PTPRG: variants seen among roughly 807,000 people sequenced by gnomAD.
The protein encoded by PTPRG is receptor-type tyrosine-protein phosphatase gamma.
Under a neutral mutation model 165.3 loss-of-function variants are expected in PTPRG, and 102 were observed. That is an observed-to-expected ratio of 0.62 (90% CI 0.53 to 0.73). The LOEUF (loss-of-function observed/expected upper bound fraction) is 0.73, where lower values mean the gene tolerates loss of function less well. Among genes scored for constraint, PTPRG ranks in the 30% least tolerant of loss-of-function variants. The pLI, the probability that PTPRG is intolerant of heterozygous loss-of-function variation, is 0.00. For missense variants in PTPRG, 1,866 were observed against 1,861.4 expected (o/e 1.00, Z -0.05); for synonymous variants, 675 against 669.5 (o/e 1.01, Z -0.13).
At chr3:61,998,722 G>A (rs1409368407) in intron 3 of PTPRG, among the ~76,000 whole-genome samples, 1 of 152,164 alleles carries the variant, frequency 6.6e-6, no homozygotes, top group Non-Finnish European at 1.5e-5. Context: ...GAAGCTTCCA[G>A]CTTCTTCTAC....
At chr3:61,649,912 G>C (rs1490466140) in intron 1 of PTPRG, among the ~76,000 whole-genome samples, 1 of 152,132 alleles carries the variant, frequency 6.6e-6, no homozygotes, top group Non-Finnish European at 1.5e-5. Flanking sequence ...CAACAGACTT[G>C]CTATAATCTG....
At chr3:62,192,509 T>TG (rs780586241) in intron 9 of PTPRG, among the ~76,000 whole-genome samples, 3 of 145,626 alleles carry the variant, frequency 2.1e-5, no homozygotes, top group Non-Finnish European at 3.0e-5. Flanking sequence ...CCCGGGTTCA[T>TG]GCCATTCTCC....
chr3:61,882,348 G>C (rs993122430), intron 2 of PTPRG, among the ~76,000 whole-genome samples: 2 of 152,170 alleles, frequency 1.3e-5, no homozygotes, highest in Non-Finnish European at 2.9e-5. Flanking sequence ...TTTGTACTCT[G>C]TTTTGGGAAG....
intron 1 of PTPRG, among the ~76,000 whole-genome samples, chr3:61,696,363 G>A (rs1336908079): frequency 2.0e-5 from 3 of 152,142 alleles, no homozygotes; most frequent in South Asian, 2.1e-4. Context: ...TTAGCCAGGT[G>A]TGGTGGCAGG....
chr3:61,730,730 T>C (rs899875667), intron 1 of PTPRG, among the ~76,000 whole-genome samples: 2 of 152,196 alleles, frequency 1.3e-5, no homozygotes, highest in African/African-American at 4.8e-5. Context: ...TGAGTGGTCA[T>C]GTGGTGAATT....
intron 4 of PTPRG, among the ~76,000 whole-genome samples, chr3:62,054,541 G>A (rs1700569761): frequency 1.3e-5 from 2 of 152,142 alleles, no homozygotes; most frequent in African/African-American, 4.8e-5. Flanking sequence ...GAAAGTCAGT[G>A]GTTCTTCTGG....
chr3:62,227,120 C>T (rs1410130363), intron 13 of PTPRG, among the ~76,000 whole-genome samples: 1 of 152,152 alleles, frequency 6.6e-6, no homozygotes, highest in Non-Finnish European at 1.5e-5. Context: ...GGTAACACCC[C>T]TCTCTTGCTT....
intron 2 of PTPRG, among the ~76,000 whole-genome samples, chr3:61,819,196 C>T: frequency 6.6e-6 from 1 of 152,030 alleles, no homozygotes; most frequent in Non-Finnish European, 1.5e-5. Context: ...TTTTATAACT[C>T]TCCAAAATGG....
intron 8 of PTPRG, among the ~76,000 whole-genome samples, chr3:62,185,969 G>A (rs750448942): frequency 2.4e-4 from 37 of 152,148 alleles, no homozygotes; most frequent in African/African-American, 8.0e-4. Context: ...GTTTTGCTGC[G>A]TTTGCCTGTT....
intron 1 of PTPRG, among the ~76,000 whole-genome samples, chr3:61,631,221 T>A (rs1029188509): frequency 6.7e-5 from 10 of 150,354 alleles, no homozygotes; most frequent in Admixed American, 2.7e-4. Context: ...AAAAAAAAAA[T>A]GGGTAGCAAC....
intron 5 of PTPRG, among the ~76,000 whole-genome samples, chr3:62,111,430 C>A (rs1464389901): frequency 6.6e-6 from 1 of 152,194 alleles, no homozygotes; most frequent in African/African-American, 2.4e-5. Flanking sequence ...CTGATAAAGA[C>A]TGAAGTAAAA....
At chr3:62,097,945 A>G (rs545845274) in intron 5 of PTPRG, among the ~76,000 whole-genome samples, 26 of 152,366 alleles carry the variant, frequency 1.7e-4, no homozygotes, top group African/African-American at 6.3e-4. Context: ...TAAAGCGGCA[A>G]GTATGTTAGA....
chr3:62,073,034 T>C (rs1701260864), intron 4 of PTPRG, among the ~76,000 whole-genome samples: 1 of 152,174 alleles, frequency 6.6e-6, no homozygotes, highest in Non-Finnish European at 1.5e-5. Flanking sequence ...GGTCTCCTAC[T>C]GGGCAAATGT....
chr3:61,956,467 A>G (rs2040032878), intron 2 of PTPRG, among the ~76,000 whole-genome samples: 1 of 152,184 alleles, frequency 6.6e-6, no homozygotes, highest in African/African-American at 2.4e-5. Flanking sequence ...CACTGAAAAA[A>G]TATTTAATGT....
At chr3:62,281,835 A>T (rs888619319) in intron 27 of PTPRG, 126 bp downstream of exon 27, 3 of 935,144 alleles carry the variant, frequency 3.2e-6, no homozygotes, top group Non-Finnish European at 4.6e-6. Context: ...TTAATTTTAA[A>T]TATGTACATT....
intron 2 of PTPRG, among the ~76,000 whole-genome samples, chr3:61,938,825 G>A (rs537465354): frequency 6.6e-6 from 1 of 152,266 alleles, no homozygotes; most frequent in Admixed American, 6.5e-5. Context: ...AAAAGTAATA[G>A]CATTGCTTAA....
intron 5 of PTPRG, among the ~76,000 whole-genome samples, chr3:62,094,201 C>T (rs1465963911): frequency 6.6e-6 from 1 of 152,148 alleles, no homozygotes; most frequent in Non-Finnish European, 1.5e-5. Flanking sequence ...CTCTTTCCCT[C>T]TTCTGAACTT....
intron 12 of PTPRG, 55 bp downstream of exon 12, chr3:62,204,005 T>C: frequency 1.3e-6 from 2 of 1,490,946 alleles, no homozygotes; most frequent in Non-Finnish European, 1.8e-6. Flanking sequence ...AGTCGTACCC[T>C]TTTTCAAAAA....
In PTPRG at chr3:61,829,280, G is replaced by A. The variant is rs188946723; in HGVS notation, c.190+80298G>A. On this transcript the variant is annotated intron_variant, in intron 2 of 29. Coordinates refer to ENST00000474889, the MANE Select transcript of PTPRG (RefSeq NM_002841.4). The stretch of plus-strand genomic sequence containing the variant: ...AATAGTACATTAATGTCAAGGAAGT[G>A]TTGAGGAATTCCCAGACAGCGTTGT... 1.2e-4 allele frequency among the ~76,000 whole-genome samples: 18 copies of A among 152,358 alleles called. 1 individual carries two copies. Among genetic ancestry groups the A allele is most frequent in the Non-Finnish European group, 2.1e-4 (14 of 68,028 alleles).
Sources: allele counts gnomAD v4.1 joint callset (sites outside exome capture counted in the v4.1 genomes callset), GRCh38; gene constraint gnomAD v4.1.1; transcripts MANE v1.5; gene names NCBI Gene and HGNC (gene_info 2026-07-23, HGNC 2026-07-21).